Variants in NMD3 observed in about 807,000 individuals in gnomAD.
NMD3 encodes 60S ribosomal export protein NMD3.
Under a neutral mutation model 73.1 loss-of-function variants are expected in NMD3, and 47 were observed. The ratio of observed to expected loss-of-function variants is 0.64; its 90% CI spans 0.51 to 0.82. NMD3 has a LOEUF of 0.82. Among genes scored for constraint, NMD3 ranks in the 40% least tolerant of loss-of-function variants. NMD3 has a pLI of 0.00. For synonymous variants in NMD3, 210 were observed against 194.5 expected (o/e 1.08, Z -0.66); for missense variants, 554 against 612.5 (o/e 0.90, Z 1.01).
intron 3 of NMD3, among the ~76,000 whole-genome samples, chr3:161,225,877 T>TAC (rs1210842846): frequency 6.6e-6 from 1 of 152,028 alleles, no homozygotes; most frequent in Admixed American, 6.6e-5. Flanking sequence ...TGTGTATATA[T>TAC]ACATATATAT....
intron 14 of NMD3, 131 bp downstream of exon 14, chr3:161,249,691 A>G (rs903068464): frequency 2.8e-6 from 2 of 703,572 alleles, no homozygotes; most frequent in Non-Finnish European, 5.2e-6. Context: ...ATTCTTATCA[A>G]GGTATTAATG....
rs780528559 is a variant in NMD3 at position 161,233,436 on chromosome 3, C to G, written c.314C>G (p.Pro105Arg). The change falls in exon 5 of 16, where the codon CCT (proline) becomes CGT (arginine). Residue 105 changes from proline (P) to arginine (R), a missense_variant. Coordinates refer to ENST00000351193, the MANE Select transcript of NMD3 (RefSeq NM_015938.5). ...GATGCAGGCTTTGTTTGGACTGAGC[C>G]TCATTCTAAGAGACTTAAAGTTAAA... ...LVDAGFVWTE[P>R]HSKRLKVKLT... is the part of the protein sequence containing the mutation. The G allele has an allele frequency of 1.9e-6, 3 of 1,609,328 alleles. No homozygotes were observed. The highest frequency in any genetic ancestry group is 2.5e-6 in the Non-Finnish European group (3 of 1,177,464).
rs1453669978 is a variant in NMD3, at chr3:161,242,659, C to CTACA, written c.1017+8_1017+11dup. 6.2e-7 allele frequency: 1 copy of CTACA among 1,606,138 alleles called. No individual in the cohort carries two copies. The highest frequency in any genetic ancestry group is 8.5e-7 in the Non-Finnish European group (1 of 1,175,774). On this transcript the variant is annotated splice_region_variant and intron_variant, in intron 11 of 15. Coordinates refer to ENST00000351193, the MANE Select transcript of NMD3 (RefSeq NM_015938.5). The stretch of plus-strand genomic sequence containing the variant: ...CTGGAATGATATCAAAAAAGGTAAG[C>CTACA]TACATCCTGCCTGCCAGTGTATTTT...
chr3:161,238,397 G>T (rs751564852), intron 8 of NMD3, among the ~76,000 whole-genome samples: 1 of 152,174 alleles, frequency 6.6e-6, no homozygotes, highest in Non-Finnish European at 1.5e-5. Context: ...TTCATAGCTG[G>T]AGTTTATATT....
At chr3:161,229,674 G>C (rs1288217996) in intron 4 of NMD3, among the ~76,000 whole-genome samples, 1 of 152,200 alleles carries the variant, frequency 6.6e-6, no homozygotes, top group East Asian at 1.9e-4. Flanking sequence ...AGTTTACATA[G>C]AGAAGGAAAG....
Position 161,238,712 on chromosome 3 carries a change from T to A in NMD3, c.657-18T>A. The stretch of plus-strand genomic sequence containing the variant: ...ATGATCTTTGTCTTTATATTACTAC[T>A]AACTTTTTTCTTAATAGATACAAAG... On this transcript the variant is annotated intron_variant, in intron 8 of 15. Coordinates refer to ENST00000351193, the MANE Select transcript of NMD3 (RefSeq NM_015938.5). The A allele has an allele frequency of 8.4e-7, 1 of 1,190,644 alleles. No homozygotes were observed. Among genetic ancestry groups the A allele is most frequent in the Non-Finnish European group, 1.3e-6 (1 of 797,082 alleles). 73.8% of individuals were successfully genotyped at this position (1,190,644 alleles called of 1,614,324 possible).
chr3:161,235,834 A>G (rs1414884498), intron 7 of NMD3, among the ~76,000 whole-genome samples: 1 of 152,086 alleles, frequency 6.6e-6, no homozygotes, highest in Non-Finnish European at 1.5e-5. Context: ...AATAAAATAA[A>G]TCTCATCCGT....
chr3:161,222,129 G>A (rs12491028), intron 2 of NMD3, 72 bp downstream of exon 2: 1 of 1,220,308 alleles, frequency 8.2e-7, no homozygotes, highest in Admixed American at 1.7e-5. Flanking sequence ...TCACTATGGA[G>A]AACGCTTGAG....
At position 161,233,375 on chromosome 3, in the gene NMD3, CTTTTTG is replaced by C. The variant is rs1275387962; in HGVS notation, c.277-20_277-15del. 18 of 1,569,906 alleles carry C rather than the reference CTTTTTG, an allele frequency of 1.1e-5. No individual in the cohort carries two copies. The highest frequency in any genetic ancestry group is 1.6e-5 in the Non-Finnish European group (18 of 1,148,556). Reference sequence around the variant, plus strand: ...TCCTCCTAGGTGAGAACTTACGTTTCTTTTTGTTTGTGTTTTATTGAAGGTACGGCT... The same window carrying C: ...TCCTCCTAGGTGAGAACTTACGTTTCTTTGTGTTTTATTGAAGGTACGGCT... On this transcript the variant is annotated intron_variant, in intron 4 of 15. Coordinates refer to ENST00000351193, the MANE Select transcript of NMD3 (RefSeq NM_015938.5).
intron 2 of NMD3, among the ~76,000 whole-genome samples, chr3:161,224,701 G>A (rs1459589714): frequency 6.6e-6 from 1 of 151,844 alleles, no homozygotes. Context: ...TGGCGAGGCT[G>A]GTCTTGAACT....
chr3:161,229,544 T>TA (rs1302699414), intron 4 of NMD3, among the ~76,000 whole-genome samples: 16 of 152,170 alleles, frequency 1.1e-4, no homozygotes, highest in Admixed American at 3.3e-4. Context: ...ACTAGACACT[T>TA]AAGTAGAAAT....
chr3:161,235,345 AAC>A, intron 7 of NMD3, 133 bp downstream of exon 7: 2 of 471,106 alleles, frequency 4.2e-6, no homozygotes, highest in East Asian at 6.8e-5. Flanking sequence ...AAAAAAAAAA[AAC>A]AACTTAATTC....
intron 7 of NMD3, 106 bp downstream of exon 7, chr3:161,235,318 G>T (rs921669402): frequency 1.2e-4 from 44 of 363,536 alleles, no homozygotes; most frequent in Admixed American, 2.8e-4. Context: ...CTGTCCAAAA[G>T]AACTTTCTGT....
chr3:161,239,830 T>C (rs1201473348), intron 9 of NMD3, among the ~76,000 whole-genome samples: 2 of 152,370 alleles, frequency 1.3e-5, no homozygotes, highest in African/African-American at 4.8e-5. Flanking sequence ...TTGCAGCTAC[T>C]CAGCTTTGCT....
intron 4 of NMD3, among the ~76,000 whole-genome samples, chr3:161,233,113 CT>C (rs71628446): frequency 0.65 from 94,514 of 146,188 alleles, 31,702 homozygotes; most frequent in East Asian, 0.95. Flanking sequence ...GGACAATGTA[CT>C]TTTTTTTTTT....
intron 9 of NMD3, among the ~76,000 whole-genome samples, chr3:161,239,083 C>T (rs755076498): frequency 1.3e-5 from 2 of 151,898 alleles, no homozygotes; most frequent in African/African-American, 2.4e-5. Flanking sequence ...GATAAAAGTC[C>T]GTATTCTTTG....
intron 4 of NMD3, among the ~76,000 whole-genome samples, chr3:161,230,190 C>G (rs1380506883): frequency 6.6e-6 from 1 of 152,166 alleles, no homozygotes; most frequent in Non-Finnish European, 1.5e-5. Context: ...CCTCAAACTC[C>G]TGGGCTCAGG....
At chr3:161,233,195 A>G (rs1051824266) in intron 4 of NMD3, among the ~76,000 whole-genome samples, 1 of 151,762 alleles carries the variant, frequency 6.6e-6, no homozygotes, top group African/African-American at 2.4e-5. Flanking sequence ...AGTTGCATTA[A>G]TATAGTCATT....
chr3:161,222,985 C>T (rs1736171156), intron 2 of NMD3: 1 of 152,202 alleles, frequency 6.6e-6, no homozygotes, highest in Non-Finnish European at 1.5e-5. Flanking sequence ...TGCTGATCTT[C>T]CTTGTTCTAT....
Sources: allele counts gnomAD v4.1 joint callset (sites outside exome capture counted in the v4.1 genomes callset), GRCh38; gene constraint gnomAD v4.1.1; transcripts MANE v1.5; gene names NCBI Gene and HGNC (gene_info 2026-07-23, HGNC 2026-07-21).